The following FMNL2 variants were observed in gnomAD, a reference collection of about 807,000 sequenced individuals.
The protein encoded by FMNL2 is formin-like protein 2.
FMNL2 carries 51 observed loss-of-function variants against 130.2 expected under a neutral mutation model. That is an observed-to-expected ratio of 0.39 (90% CI 0.31 to 0.49). FMNL2 has a LOEUF of 0.49. Ranked by LOEUF, FMNL2 falls within the 20% of genes least tolerant of loss-of-function variation. The pLI, the probability that FMNL2 is intolerant of heterozygous loss-of-function variation, is 0.85. For synonymous variants in FMNL2, 465 were observed against 467.1 expected, an observed-to-expected ratio of 1.00 and a Z score of 0.06; for missense variants, 977 against 1,316.2, an observed-to-expected ratio of 0.74 and a Z score of 3.99.
chr2:152,524,538 A>G (rs1693278033), intron 2 of FMNL2, among the ~76,000 whole-genome samples: 1 of 152,124 alleles, frequency 6.6e-6, no homozygotes. Flanking sequence ...GACATTATTA[A>G]TTTAAGGACT....
chr2:152,641,188 T>C (rs940739775), intron 25 of FMNL2, among the ~76,000 whole-genome samples: 1 of 152,202 alleles, frequency 6.6e-6, no homozygotes, highest in African/African-American at 2.4e-5. Context: ...GCTCCATTTT[T>C]TTTTTCCTCG....
At chr2:152,476,810 T>G (rs902996169) in intron 1 of FMNL2, among the ~76,000 whole-genome samples, 1 of 152,092 alleles carries the variant, frequency 6.6e-6, no homozygotes, top group Non-Finnish European at 1.5e-5. Context: ...TTAAAAAATA[T>G]TAATAATTAT....
chr2:152,442,823 A>C (rs1228772852), intron 1 of FMNL2, among the ~76,000 whole-genome samples: 1 of 152,146 alleles, frequency 6.6e-6, no homozygotes, highest in South Asian at 2.1e-4. Flanking sequence ...ATGTTGCATC[A>C]GAATTGTCTG....
At chr2:152,448,421 T>C (rs75963667) in intron 1 of FMNL2, among the ~76,000 whole-genome samples, 10,020 of 152,208 alleles carry the variant, frequency 0.066, 584 homozygotes, top group Admixed American at 0.21. Context: ...AAGAGTAACA[T>C]AAAATAATCC....
At chr2:152,556,711 C>A (rs1695227200) in intron 4 of FMNL2, among the ~76,000 whole-genome samples, 1 of 152,170 alleles carries the variant, frequency 6.6e-6, no homozygotes, top group Admixed American at 6.5e-5. Flanking sequence ...GTAGTTGACA[C>A]AAGGGCAGGC....
Position 152,412,444 on chromosome 2 carries a change from TTTTATATATATATATA to T in FMNL2, c.117+76726_117+76741del, listed in dbSNP as rs1387481267. Among the ~76,000 whole-genome samples the T allele has an allele frequency of 1.5e-3, 153 of 103,354 alleles. 4 individuals are homozygous for T. The highest frequency in any genetic ancestry group is 0.012 in the East Asian group (35 of 2,872). 67.8% of individuals were successfully genotyped at this position (103,354 alleles called of 152,430 possible). A position where few individuals can be genotyped will look rare whatever the true frequency, so the allele number is the denominator to read the frequency against. ...ATTTCCTCTTACTTTCTTCTGTATA[TTTTATATATATATATA>T]TATATATATATATATATATATATAT... On this transcript the variant is annotated intron_variant, in intron 1 of 25. Transcript: ENST00000288670.
chr2:152,626,597 A>G lies in FMNL2; in HGVS notation c.2035A>G (p.Ser679Gly), dbSNP rs1228511823. 1 of 1,612,732 alleles carries G rather than the reference A, an allele frequency of 6.2e-7. No individual in the cohort carries two copies. Among genetic ancestry groups the G allele is most frequent in the Non-Finnish European group, 8.5e-7 (1 of 1,179,404 alleles). ...AGGACCTGCCATTGATCTTTCTTCAAGCAAACAGAAGATACCACAGAAGGG... is the reference window on the plus strand; with the variant it reads ...AGGACCTGCCATTGATCTTTCTTCAGGCAAACAGAAGATACCACAGAAGGG... Reference protein sequence around the residue: ...AQGPAIDLSSSKQKIPQKGSN... With the variant: ...AQGPAIDLSSGKQKIPQKGSN... Residue 679 changes from serine to glycine, a missense_variant, in exon 17 of 26, where the codon AGC (serine) becomes GGC (glycine). This residue lies in a region of FMNL2 where 689 missense variants were observed against 995.9 expected (regional missense o/e 0.69). Coordinates refer to ENST00000288670, the MANE Select transcript of FMNL2 (RefSeq NM_052905.4).
At chr2:152,431,743 A>T (rs1162566554) in intron 1 of FMNL2, among the ~76,000 whole-genome samples, 1 of 152,140 alleles carries the variant, frequency 6.6e-6, no homozygotes, top group African/African-American at 2.4e-5. Flanking sequence ...AGGCAGGAAG[A>T]TTGCTTGAGT....
At chr2:152,538,227 G>T (rs1694103473) in intron 2 of FMNL2, among the ~76,000 whole-genome samples, 1 of 152,084 alleles carries the variant, frequency 6.6e-6, no homozygotes, top group African/African-American at 2.4e-5. Flanking sequence ...GTTCAGGGAA[G>T]AGGAAGAGGA....
intron 1 of FMNL2, among the ~76,000 whole-genome samples, chr2:152,431,260 T>C (rs1687476836): frequency 6.6e-6 from 1 of 152,206 alleles, no homozygotes; most frequent in Admixed American, 6.5e-5. Context: ...CCTACCCTCA[T>C]AGGCTTATTA....
intron 7 of FMNL2, 23 bp from the exon 8 acceptor site, chr2:152,578,863 CTT>C (rs755092847): frequency 1.3e-6 from 2 of 1,567,950 alleles, no homozygotes; most frequent in South Asian, 1.2e-5. Context: ...CTTTGTGTTT[CTT>C]TTTTTTTCCA....
At chr2:152,518,795 GCCT>G (rs1226320676) in intron 1 of FMNL2, among the ~76,000 whole-genome samples, 1 of 152,142 alleles carries the variant, frequency 6.6e-6, no homozygotes, top group African/African-American at 2.4e-5. Context: ...CTTAGTCCTG[GCCT>G]CCTACTGGCT....
At chr2:152,514,622 A>G (rs1379445062) in intron 1 of FMNL2, among the ~76,000 whole-genome samples, 1 of 152,122 alleles carries the variant, frequency 6.6e-6, no homozygotes, top group Non-Finnish European at 1.5e-5. Context: ...AATATATACT[A>G]TTGTTTTTCC....
At chr2:152,518,547 T>A (rs1056680794) in intron 1 of FMNL2, among the ~76,000 whole-genome samples, 1 of 152,132 alleles carries the variant, frequency 6.6e-6, no homozygotes, top group Non-Finnish European at 1.5e-5. Flanking sequence ...CTAAACAGGG[T>A]CATTTATAAA....
intron 7 of FMNL2, among the ~76,000 whole-genome samples, chr2:152,578,354 G>C (rs1269000750): frequency 6.6e-6 from 1 of 152,144 alleles, no homozygotes; most frequent in East Asian, 1.9e-4. Context: ...CATTTTGTAT[G>C]TTATATCTAT....
intron 24 of FMNL2, among the ~76,000 whole-genome samples, chr2:152,640,511 AAC>A (rs1489633568): frequency 6.6e-6 from 1 of 152,212 alleles, no homozygotes; most frequent in Admixed American, 6.5e-5. Flanking sequence ...GATCCTTGGC[AAC>A]ACAGTTTAAG....
intron 20 of FMNL2, among the ~76,000 whole-genome samples, chr2:152,630,597 C>G (rs1052194868): frequency 2.0e-5 from 3 of 152,194 alleles, no homozygotes; most frequent in South Asian, 2.1e-4. Context: ...GAAGGCTGGG[C>G]AGTGGGTTGA....
chr2:152,500,365 C>T (rs978574815), intron 1 of FMNL2, among the ~76,000 whole-genome samples: 3 of 152,050 alleles, frequency 2.0e-5, no homozygotes, highest in African/African-American at 7.3e-5. Context: ...GGAAAAATGT[C>T]GTGTTCTATC....
At chr2:152,422,880 A>C (rs572065568) in intron 1 of FMNL2, among the ~76,000 whole-genome samples, 1 of 152,278 alleles carries the variant, frequency 6.6e-6, no homozygotes, top group East Asian at 1.9e-4. Context: ...CCACAATCTA[A>C]TTTGGAAATA....
Sources: gnomAD v4.1 joint callset for allele counts (sites outside exome capture counted in the v4.1 genomes callset) on GRCh38, gnomAD v4.1.1 for gene constraint, gnomAD v4.1.1 regional missense constraint, MANE v1.5 for transcripts, NCBI Gene and HGNC (gene_info 2026-07-23, HGNC 2026-07-21) for gene names.